Variants in GBF1 observed in about 807,000 individuals in gnomAD.
GBF1 encodes the protein golgi brefeldin A resistant guanine nucleotide exchange factor 1.
GBF1 carries 114 observed loss-of-function variants against 210.5 expected under a neutral mutation model. The observed-to-expected ratio is 0.54, with a 90% CI of 0.47 to 0.63. The LOEUF (loss-of-function observed/expected upper bound fraction) is 0.63, where lower values mean the gene tolerates loss of function less well. GBF1 is among the 30% of genes least tolerant of loss of function. The probability of loss-of-function intolerance (pLI) is 0.00; values close to 1 mark genes in which losing one functional copy is unlikely to be tolerated. For synonymous variants in GBF1, 850 were observed against 889.2 expected (o/e 0.96, Z 0.78); for missense variants, 1,851 against 2,357.7 (o/e 0.79, Z 4.45).
intron 1 of GBF1, among the ~76,000 whole-genome samples, chr10:102,255,150 C>T (rs753553075): frequency 2.0e-4 from 30 of 152,238 alleles, no homozygotes; most frequent in Admixed American, 3.3e-4. Flanking sequence ...AAGTGATTCT[C>T]CTGCCTCAGC....
At chr10:102,231,884 G>A in the GBF1 span, 1 of 1,562,274 alleles carries the variant, frequency 6.4e-7, no homozygotes, top group Non-Finnish European at 8.7e-7. Flanking sequence ...GGCTCCCACC[G>A]GGGCTGCCCA....
At chr10:102,277,630 C>T (rs1428437546) in intron 3 of GBF1, among the ~76,000 whole-genome samples, 3 of 152,152 alleles carry the variant, frequency 2.0e-5, no homozygotes, top group African/African-American at 7.2e-5. Context: ...CCGCCCACCT[C>T]GGCCTCCCAA....
chr10:102,345,719 T>C (rs2058516081), intron 4 of GBF1, among the ~76,000 whole-genome samples: 1 of 151,358 alleles, frequency 6.6e-6, no homozygotes, highest in African/African-American at 2.4e-5. Flanking sequence ...ATTCATCTGA[T>C]TTATTCTTTT....
chr10:102,352,586 C>G, intron 7 of GBF1, 68 bp downstream of exon 7: 1 of 1,104,626 alleles, frequency 9.1e-7, no homozygotes, highest in East Asian at 2.4e-5. Context: ...TTCCACACAG[C>G]CACGTCAGGG....
intron 3 of GBF1, among the ~76,000 whole-genome samples, chr10:102,268,919 C>T (rs1237613806): frequency 6.6e-6 from 1 of 152,182 alleles, no homozygotes; most frequent in Non-Finnish European, 1.5e-5. Context: ...CATTTCAGCT[C>T]AGATCACTTC....
rs558157190 is a variant in GBF1, at chr10:102,364,371, T to C, written c.2106+573T>C. 1.1e-4 allele frequency among the ~76,000 whole-genome samples: 17 copies of C among 151,082 alleles called. No individual in the cohort carries two copies. The South Asian group carries it at 3.1e-3, about 28-fold the overall frequency. Reference sequence around the variant, plus strand: ...TCCCAAGTAGCTGGGACTACAGGCGTGTGCCACCATGCCTGGCTAATTTTT... The same window carrying C: ...TCCCAAGTAGCTGGGACTACAGGCGCGTGCCACCATGCCTGGCTAATTTTT... On this transcript the variant is annotated intron_variant, in intron 17 of 39. Coordinates refer to ENST00000369983, the MANE Select transcript of GBF1 (RefSeq NM_001377137.1).
At chr10:102,256,454 CTT>C (rs1396582840) in intron 1 of GBF1, among the ~76,000 whole-genome samples, 11 of 151,454 alleles carry the variant, frequency 7.3e-5, no homozygotes, top group Non-Finnish European at 1.3e-4. Flanking sequence ...TTATATACCT[CTT>C]ATCATTATTA....
chr10:102,365,559 A>AGT lies in GBF1; in HGVS notation c.2271_2272dup (p.Asp758ValfsTer13). ...CAAGAAGATGATTGGAGAGTTTGTG[A>AGT]GTGACCGCAAAAACATTGACCTGTT... On this transcript the variant is annotated frameshift_variant, in exon 18 of 40. Transcript: ENST00000369983. LOFTEE classifies it high-confidence loss of function. The AGT allele has an allele frequency of 6.2e-7, 1 of 1,614,170 alleles. No homozygotes were observed. Among genetic ancestry groups the AGT allele is most frequent in the Non-Finnish European group, 8.5e-7 (1 of 1,180,030 alleles).
chr10:102,304,926 C>T (rs982990708), intron 3 of GBF1, among the ~76,000 whole-genome samples: 1 of 149,352 alleles, frequency 6.7e-6, no homozygotes, highest in African/African-American at 2.5e-5. Context: ...ACAGGAGGAT[C>T]GTTTGAGCTC....
chr10:102,289,550 C>A (rs1320919859), intron 3 of GBF1, among the ~76,000 whole-genome samples: 3 of 152,146 alleles, frequency 2.0e-5, no homozygotes, highest in Admixed American at 6.5e-5. Context: ...CATAGTGAGA[C>A]CCTATCTCAA....
intron 3 of GBF1, among the ~76,000 whole-genome samples, chr10:102,296,900 C>T (rs1167091710): frequency 6.6e-6 from 1 of 151,788 alleles, no homozygotes; most frequent in Non-Finnish European, 1.5e-5. Context: ...CAAAAATTAG[C>T]TGGACCTGGT....
Position 102,266,112 on chromosome 10 carries a change from G to A in GBF1, c.163+5996G>A, listed in dbSNP as rs531935533. Among the ~76,000 whole-genome samples the A allele has an allele frequency of 5.3e-5, 8 of 152,196 alleles. No homozygotes were observed. The East Asian group carries it at 1.4e-3, about 26-fold the overall frequency. ...AAATTAGTCGGGCATGGTGGCAGGC[G>A]CCTGTAGTCCCAGCTACTCGGGAGG... On this transcript the variant is annotated intron_variant, in intron 3 of 39. Coordinates refer to ENST00000369983, the MANE Select transcript of GBF1 (RefSeq NM_001377137.1).
chr10:102,361,265 C>G, intron 13 of GBF1, 145 bp downstream of exon 13: 1 of 621,726 alleles, frequency 1.6e-6, no homozygotes, highest in Non-Finnish European at 2.9e-6. Flanking sequence ...GAGTTCGGTT[C>G]AATCAACTGG....
intron 3 of GBF1, among the ~76,000 whole-genome samples, chr10:102,260,401 C>T (rs2073035604): frequency 6.6e-6 from 1 of 151,722 alleles, no homozygotes; most frequent in South Asian, 2.1e-4. Context: ...CTCAAGCAAT[C>T]CTCCTGTCTT....
At chr10:102,343,351 C>T (rs1001658930) in intron 3 of GBF1, among the ~76,000 whole-genome samples, 1 of 152,124 alleles carries the variant, frequency 6.6e-6, no homozygotes, top group African/African-American at 2.4e-5. Context: ...CGCATTGGCT[C>T]TACCCAAGAT....
At chr10:102,236,903 A>C in the GBF1 span, among the ~76,000 whole-genome samples, 1 of 152,210 alleles carries the variant, frequency 6.6e-6, no homozygotes, top group Admixed American at 6.5e-5. Flanking sequence ...GAGGTCCTTA[A>C]GTGGACATGG....
chr10:102,231,292 C>G, the GBF1 span, among the ~76,000 whole-genome samples: 2 of 152,124 alleles, frequency 1.3e-5, no homozygotes, highest in African/African-American at 2.4e-5. Context: ...GCGGCTGGAC[C>G]GAGTCATCGG....
intron 7 of GBF1, among the ~76,000 whole-genome samples, 164 bp downstream of exon 7, chr10:102,352,682 G>A (rs1311952131): frequency 2.0e-5 from 3 of 152,158 alleles, no homozygotes; most frequent in African/African-American, 7.2e-5. Flanking sequence ...CTGAGCAAGG[G>A]AGAAGGAGGA....
At chr10:102,254,717 C>A (rs1285940741) in intron 1 of GBF1, among the ~76,000 whole-genome samples, 1 of 151,980 alleles carries the variant, frequency 6.6e-6, no homozygotes, top group Admixed American at 6.6e-5. Flanking sequence ...TTTAGTTGTT[C>A]CCTCTCTTAT....
Sources: gnomAD v4.1 joint callset for allele counts (sites outside exome capture counted in the v4.1 genomes callset) on GRCh38, gnomAD v4.1.1 for gene constraint, MANE v1.5 for transcripts, NCBI Gene and HGNC (gene_info 2026-07-23, HGNC 2026-07-21) for gene names.